Variants in MAPKBP1 observed in about 807,000 individuals in gnomAD.
MAPKBP1 encodes mitogen-activated protein kinase-binding protein 1.
In MAPKBP1, 71 loss-of-function variants were observed where a neutral mutation model predicts 170.5. The ratio of observed to expected loss-of-function variants is 0.42; its 90% CI spans 0.34 to 0.51. The LOEUF is 0.51. Among genes scored for constraint, MAPKBP1 ranks in the 20% least tolerant of loss-of-function variants. The pLI, the probability that MAPKBP1 is intolerant of heterozygous loss-of-function variation, is 0.06. For synonymous variants in MAPKBP1, 719 were observed against 757.9 expected, an observed-to-expected ratio of 0.95 and a Z score of 0.84; for missense variants, 1,598 against 1,933.0, an observed-to-expected ratio of 0.83 and a Z score of 3.25.
intron 21 of MAPKBP1, 72 bp downstream of exon 21, chr15:41,819,451 C>T: frequency 6.3e-7 from 1 of 1,588,820 alleles, no homozygotes; most frequent in South Asian, 1.1e-5. Flanking sequence ...TTTTCTGAGA[C>T]TGTGGGGTGA....
chr15:41,779,695 T>A (rs929828890), intron 2 of MAPKBP1, among the ~76,000 whole-genome samples: 1 of 152,182 alleles, frequency 6.6e-6, no homozygotes, highest in Admixed American at 6.5e-5. Flanking sequence ...TGCGCCAGGC[T>A]CCAGTCATTT....
rs766378195 is a variant in MAPKBP1, at chr15:41,823,823, G to A, written c.3975G>A (p.Pro1325=). The A allele has an allele frequency of 9.3e-6, 15 of 1,614,064 alleles. No individual in the cohort carries two copies. The highest frequency in any genetic ancestry group is 5.5e-5 in the South Asian group (5 of 91,072). The change falls in exon 29 of 31, where the codon CCG becomes CCA. Residue 1325 remains proline (P), a synonymous_variant. Transcript: ENST00000457542. ...GCGAGGCAGAAAAGCCTGGCTTCCC[G>A]GTGGGCCTAGGAAAAGCTCACAGTA... The part of the protein sequence containing the change: ...APGEAEKPGF[P]VGLGKAHSTT...
chr15:41,819,557 G>GGGGC, intron 21 of MAPKBP1, 38 bp from the exon 22 acceptor site: 16 of 1,384,468 alleles, frequency 1.2e-5, no homozygotes, highest in Non-Finnish European at 1.2e-5. Context: ...CGGGGGGGGG[G>GGGGC]CAGGAGACAC....
chr15:41,816,687 A>G lies in MAPKBP1; in HGVS notation c.1585+37A>G, dbSNP rs753334242. 5.7e-6 allele frequency: 9 copies of G among 1,581,484 alleles called. No homozygotes were observed. The South Asian group carries it at 1.0e-4, about 18-fold the overall frequency. On this transcript the variant is annotated intron_variant, in intron 13 of 30. Transcript: ENST00000457542. ...GCCCGGAATGGCACAGGGCTCCTCCAGTCCTGCCGGTGCCACTTATATCTG... is the reference window on the plus strand; with the variant it reads ...GCCCGGAATGGCACAGGGCTCCTCCGGTCCTGCCGGTGCCACTTATATCTG...
chr15:41,824,027 C>T lies in MAPKBP1; in HGVS notation c.4179C>T (p.Cys1393=). ...PPEKTPNPME[C]TKPGAALSQD... Reference sequence around the variant, plus strand: ...AGAAGACTCCCAACCCCATGGAATGCACCAAGCCAGGGGCAGCCCTGAGCC... The same window carrying T: ...AGAAGACTCCCAACCCCATGGAATGTACCAAGCCAGGGGCAGCCCTGAGCC... Residue 1393 remains cysteine (C), a synonymous_variant, in exon 29 of 31, where the codon TGC becomes TGT. Transcript: ENST00000457542. 6.2e-7 allele frequency: 1 copy of T among 1,609,348 alleles called. No individual in the cohort carries two copies. Among genetic ancestry groups the T allele is most frequent in the Non-Finnish European group, 8.5e-7 (1 of 1,179,708 alleles).
At chr15:41,810,623 G>A in intron 3 of MAPKBP1, 1 of 441,916 alleles carries the variant, frequency 2.3e-6, no homozygotes, top group Non-Finnish European at 4.0e-6. Flanking sequence ...GGAGGCTAAG[G>A]TGGGAGGATT....
chr15:41,818,812 C>T lies in MAPKBP1; in HGVS notation c.2157-11C>T. 8 of 1,613,386 alleles carry T rather than the reference C, an allele frequency of 5.0e-6. No homozygotes were observed. Among genetic ancestry groups the T allele is most frequent in the Non-Finnish European group, 6.8e-6 (8 of 1,179,342 alleles). ...GCCCCTCCTTCAGCCAACTGTGTGG[C>T]TTTACCCCAGCTGCATATTTGTGTG... On this transcript the variant is annotated splice_polypyrimidine_tract_variant and intron_variant, in intron 19 of 30. Transcript: ENST00000457542. This position sits in a 1 kb window ranked among gnomAD's most constrained non-coding sequence, Gnocchi z 5.2.
chr15:41,821,355 G>T, intron 23 of MAPKBP1: 1 of 610,438 alleles, frequency 1.6e-6, no homozygotes, highest in South Asian at 2.0e-5. Flanking sequence ...GCAGCCCAGA[G>T]TGCTAATATA....
In MAPKBP1 at chr15:41,818,927, C is replaced by A. The variant is rs201441995; in HGVS notation, c.2261C>A (p.Ser754Tyr). ...RQRGGKQQGP[S>Y]SPQRASGPNR... The stretch of plus-strand genomic sequence containing the variant: ...CGGGGCGGCAAGCAGCAAGGACCAT[C>A]CTCTCCCCAAAGGGCTTCTGGACCC... Residue 754 changes from serine (S) to tyrosine (Y), a missense_variant, in exon 20 of 31, where the codon TCC becomes TAC. Ser to Tyr is a moderately radical substitution (Grantham distance 144). Transcript: ENST00000457542. The surrounding 1 kb of genome is among the most constrained non-coding windows in gnomAD (Gnocchi z 5.2). 6.8e-6 allele frequency: 11 copies of A among 1,614,194 alleles called. No homozygotes were observed. Among genetic ancestry groups the A allele is most frequent in the African/African-American group, 1.3e-5 (1 of 75,064 alleles).
In MAPKBP1 at chr15:41,817,622, T is replaced by A; in HGVS notation, c.1791T>A (p.Asp597Glu). 6.2e-7 allele frequency: 1 copy of A among 1,614,152 alleles called. No homozygotes were observed. Among genetic ancestry groups the A allele is most frequent in the Non-Finnish European group, 8.5e-7 (1 of 1,180,004 alleles). ...IYFRTAQKSG[D>E]GVQFTRTHHV... ...ATGCTCCACCCCTGCAGTCTGGAGA[T>A]GGAGTGCAGTTCACACGGACACACC... The change falls in exon 16 of 31, where the codon GAT becomes GAA. Residue 597 changes from aspartate (D) to glutamate (E), a missense_variant. Around this residue, in one of 6 missense-constraint regions of MAPKBP1, gnomAD observed 430 missense variants for 617.2 expected, o/e 0.70. Coordinates refer to ENST00000457542, the MANE Select transcript of MAPKBP1 (RefSeq NM_014994.3). The surrounding 1 kb of genome is among the most constrained non-coding windows in gnomAD (Gnocchi z 4.2).
At chr15:41,780,690 A>G (rs1329837246) in intron 2 of MAPKBP1, among the ~76,000 whole-genome samples, 2 of 152,116 alleles carry the variant, frequency 1.3e-5, no homozygotes, top group South Asian at 4.1e-4. Context: ...GAGGTATAGA[A>G]TGAGACCTGC....
chr15:41,813,879 C>T lies in MAPKBP1; in HGVS notation c.980+98C>T, dbSNP rs144002855. ...GGAGCAGGTGAAGAGTGTATTGATG[C>T]CCCAAAGATTATTGGGAACACCTCT... is the stretch of plus-strand genomic sequence containing the variant. On this transcript the variant is annotated intron_variant, in intron 9 of 30. Coordinates refer to ENST00000457542, the MANE Select transcript of MAPKBP1 (RefSeq NM_014994.3). 3.7e-5 allele frequency: 50 copies of T among 1,351,040 alleles called. No individual in the cohort carries two copies. In the East Asian group the frequency reaches 7.4e-4, roughly 20 times the overall value. The allele number at this position is 1,351,040 out of a possible 1,614,324, so 83.7% of individuals were successfully genotyped here.
At chr15:41,825,024 T>C in intron 30 of MAPKBP1, 185 bp from the exon 31 acceptor site, 4 of 562,130 alleles carry the variant, frequency 7.1e-6, no homozygotes, top group Non-Finnish European at 9.5e-6. Context: ...ATCCAATGGG[T>C]TCCTCCTTGG....
At chr15:41,800,428 C>T (rs867191043) in intron 3 of MAPKBP1, among the ~76,000 whole-genome samples, 7 of 152,010 alleles carry the variant, frequency 4.6e-5, no homozygotes, top group African/African-American at 4.8e-5. Context: ...ACTGCACCTC[C>T]GCCTCCGACA....
intron 2 of MAPKBP1, among the ~76,000 whole-genome samples, chr15:41,798,607 C>T (rs983708321): frequency 7.2e-5 from 11 of 151,986 alleles, no homozygotes; most frequent in South Asian, 2.1e-4. Context: ...TTTAATTCTG[C>T]GGTTGGAGCA....
At chr15:41,821,194 G>GGCTTTGC in intron 23 of MAPKBP1, 126 bp downstream of exon 23, 1 of 887,168 alleles carries the variant, frequency 1.1e-6, no homozygotes, top group Non-Finnish European at 1.8e-6. Flanking sequence ...TGGGTAACCT[G>GGCTTTGC]AACTGCAAAG....
chr15:41,813,632 C>T lies in MAPKBP1; in HGVS notation c.831C>T (p.Ala277=). ...CACTCTGCCCACAGACCACAGTGGC[C>T]CACTGCATCTCTGTGAGCCAAGACT... is the stretch of plus-strand genomic sequence containing the variant. ...DKWVELRTTV[A]HCISVSQDYI... is the part of the protein sequence containing the mutation. Residue 277 remains alanine (A), a synonymous_variant, in exon 9 of 31, where the codon GCC becomes GCT. Coordinates refer to ENST00000457542, the MANE Select transcript of MAPKBP1 (RefSeq NM_014994.3). The T allele has an allele frequency of 1.2e-6, 2 of 1,613,918 alleles. No individual in the cohort carries two copies. The highest frequency in any genetic ancestry group is 1.7e-6 in the Non-Finnish European group (2 of 1,179,924).
intron 2 of MAPKBP1, among the ~76,000 whole-genome samples, chr15:41,786,777 A>AAAAAAAAAAAT: frequency 3.1e-4 from 10 of 32,470 alleles, no homozygotes; most frequent in Non-Finnish European, 5.6e-4. Context: ...AAAAAAAAAA[A>AAAAAAAAAAAT]ATATATATAT....
chr15:41,797,402 G>A (rs918923121), intron 2 of MAPKBP1, among the ~76,000 whole-genome samples: 1 of 152,142 alleles, frequency 6.6e-6, no homozygotes, highest in African/African-American at 2.4e-5. Flanking sequence ...CCAGCCTGGG[G>A]CCGTTCTCTT....
Sources: allele counts gnomAD v4.1 joint callset (sites outside exome capture counted in the v4.1 genomes callset), GRCh38; gene constraint gnomAD v4.1.1; regional missense constraint gnomAD v4.1.1; non-coding constraint Gnocchi (gnomAD v3.1); transcripts MANE v1.5; gene names NCBI Gene and HGNC (gene_info 2026-07-23, HGNC 2026-07-21).